The following FRMD5 variants were observed in gnomAD, a reference collection of about 807,000 sequenced individuals.
FRMD5 encodes FERM domain-containing protein 5.
A neutral mutation model predicts 69.0 loss-of-function variants in FRMD5; 20 were observed. The observed-to-expected ratio is 0.29, with a 90% CI of 0.20 to 0.42. The LOEUF is 0.42. FRMD5 is among the 10% of genes least tolerant of loss of function. The pLI is 1.00. For synonymous variants in FRMD5, 271 were observed against 260.1 expected (o/e 1.04, Z -0.40); for missense variants, 595 against 708.6 (o/e 0.84, Z 1.82).
chr15:43,922,440 C>G (rs1423893832), intron 2 of FRMD5, among the ~76,000 whole-genome samples: 3 of 152,198 alleles, frequency 2.0e-5, no homozygotes, highest in Admixed American at 2.0e-4. Context: ...AGCGCAGAGC[C>G]TGGCAAGCAG....
At chr15:44,036,734 A>G (rs974614170) in intron 1 of FRMD5, among the ~76,000 whole-genome samples, 1 of 152,212 alleles carries the variant, frequency 6.6e-6, no homozygotes, top group Non-Finnish European at 1.5e-5. Context: ...TCTGTAAGTA[A>G]TGACACTTGT....
intron 1 of FRMD5, among the ~76,000 whole-genome samples, chr15:44,093,156 T>G (rs1049463343): frequency 1.3e-5 from 2 of 152,076 alleles, no homozygotes; most frequent in Admixed American, 1.3e-4. Context: ...GGTCTCGATC[T>G]CTTAACCTCG....
At chr15:44,047,490 G>T (rs1005612193) in intron 1 of FRMD5, among the ~76,000 whole-genome samples, 1 of 151,516 alleles carries the variant, frequency 6.6e-6, no homozygotes, top group African/African-American at 2.4e-5. Context: ...TTGGTGGGGT[G>T]ACCCTTTCCC....
rs1368119548 is a variant in FRMD5 at position 43,952,010 on chromosome 15, G to GTGTGTGTC, written c.103-27702_103-27701insGACACACA. Among the ~76,000 whole-genome samples the GTGTGTGTC allele has an allele frequency of 4.2e-4, 62 of 149,040 alleles. No homozygotes were observed. In the East Asian group the frequency reaches 7.7e-3, roughly 19 times the overall value. On this transcript the variant is annotated intron_variant, in intron 1 of 13. Transcript: ENST00000417257. ...TGTGTGTGTGTGTGTCTGTGTGTGT[G>GTGTGTGTC]TGTGTGTGTGTGTGTGTGTGTGTGT...
intron 1 of FRMD5, among the ~76,000 whole-genome samples, chr15:43,928,982 G>A (rs924644589): frequency 2.6e-5 from 4 of 152,226 alleles, no homozygotes; most frequent in East Asian, 1.9e-4. Context: ...TTAAGCACTC[G>A]TTTAAAAAAT....
intron 1 of FRMD5, among the ~76,000 whole-genome samples, chr15:44,053,604 A>G (rs527814021): frequency 1.3e-5 from 2 of 152,302 alleles, no homozygotes; most frequent in Non-Finnish European, 2.9e-5. Flanking sequence ...TGAAACAAGA[A>G]TAAGGATGGC....
rs376593528 is a variant in FRMD5 at position 43,883,758 on chromosome 15, C to G, written c.1080G>C (p.Arg360Ser). The G allele has an allele frequency of 1.1e-4, 173 of 1,613,926 alleles. No homozygotes were observed. The highest frequency in any genetic ancestry group is 1.4e-4 in the Non-Finnish European group (169 of 1,179,948). Residue 360 changes from arginine to serine, a missense_variant, in exon 13 of 14, where the codon AGG becomes AGC. Coordinates refer to ENST00000417257, the MANE Select transcript of FRMD5 (RefSeq NM_032892.5). ...RSCPSITHGP[R>S]LSSVPRTRRR... Reference sequence around the variant, plus strand: ...TGCGGGTCCTGGGGACGCTGCTCAGCCTTGGGCCATGGGTTATGGAGGGAC... The same window carrying G: ...TGCGGGTCCTGGGGACGCTGCTCAGGCTTGGGCCATGGGTTATGGAGGGAC...
At chr15:44,065,740 T>G (rs1438250835) in intron 1 of FRMD5, among the ~76,000 whole-genome samples, 1 of 152,248 alleles carries the variant, frequency 6.6e-6, no homozygotes, top group Non-Finnish European at 1.5e-5. Context: ...TAAACTGACC[T>G]ACATTTTGTA....
At chr15:44,142,511 C>A (rs535337457) in intron 1 of FRMD5, among the ~76,000 whole-genome samples, 9 of 152,212 alleles carry the variant, frequency 5.9e-5, no homozygotes, top group African/African-American at 2.2e-4. Flanking sequence ...ATTATAGAGA[C>A]TCCACACATT....
intron 1 of FRMD5, among the ~76,000 whole-genome samples, chr15:44,085,943 T>G (rs1002120290): frequency 4.6e-5 from 7 of 151,990 alleles, no homozygotes; most frequent in Non-Finnish European, 1.0e-4. Context: ...TAGCAACTGG[T>G]TAGGTAAAAT....
chr15:43,901,541 G>A (rs1440712159), intron 7 of FRMD5, among the ~76,000 whole-genome samples: 1 of 152,174 alleles, frequency 6.6e-6, no homozygotes, highest in Non-Finnish European at 1.5e-5. Flanking sequence ...CAAAGCAACA[G>A]GGACAGGAGG....
At chr15:43,992,613 G>C (rs1405239340) in intron 1 of FRMD5, among the ~76,000 whole-genome samples, 1 of 152,132 alleles carries the variant, frequency 6.6e-6, no homozygotes, top group East Asian at 1.9e-4. Flanking sequence ...CCTGATCTCA[G>C]GTGACCCACC....
intron 1 of FRMD5, among the ~76,000 whole-genome samples, chr15:44,024,368 T>C (rs1306775110): frequency 1.3e-5 from 2 of 152,194 alleles, no homozygotes; most frequent in Non-Finnish European, 2.9e-5. Context: ...ATGATAACCT[T>C]CACAACACCA....
chr15:44,178,411 A>G lies in FRMD5; in HGVS notation c.102+16542T>C, dbSNP rs548672176. Among the ~76,000 whole-genome samples the G allele has an allele frequency of 4.6e-5, 7 of 152,294 alleles. No individual in the cohort carries two copies. The South Asian group carries it at 1.5e-3, about 32-fold the overall frequency. The stretch of plus-strand genomic sequence containing the variant: ...TATTTGGAAACTTGAGATCAAAACA[A>G]TAGTGGAAACCTTTGAAATATACCA... On this transcript the variant is annotated intron_variant, in intron 1 of 13. Coordinates refer to ENST00000417257, the MANE Select transcript of FRMD5 (RefSeq NM_032892.5).
chr15:43,920,889 G>T (rs2089481976), intron 2 of FRMD5, among the ~76,000 whole-genome samples: 1 of 152,242 alleles, frequency 6.6e-6, no homozygotes, highest in Non-Finnish European at 1.5e-5. Flanking sequence ...GGGCGCTGCA[G>T]TCAGCATCCT....
At chr15:44,137,812 T>C (rs537563030) in intron 1 of FRMD5, among the ~76,000 whole-genome samples, 1 of 152,124 alleles carries the variant, frequency 6.6e-6, no homozygotes, top group African/African-American at 2.4e-5. Flanking sequence ...CTTCTGTAGG[T>C]CAATGAAAAT....
intron 1 of FRMD5, among the ~76,000 whole-genome samples, chr15:44,043,814 T>C (rs1892312247): frequency 6.6e-6 from 1 of 152,110 alleles, no homozygotes; most frequent in Admixed American, 6.5e-5. Flanking sequence ...CCTAAAACCA[T>C]AAAAACCCTA....
At chr15:43,996,645 C>G (rs1402266572) in intron 1 of FRMD5, among the ~76,000 whole-genome samples, 1 of 146,202 alleles carries the variant, frequency 6.8e-6, no homozygotes, top group African/African-American at 2.5e-5. Flanking sequence ...CTCAGTTTCT[C>G]TCCTATAGAT....
chr15:43,919,620 CAGA>C, intron 3 of FRMD5, 83 bp from the exon 4 acceptor site: 1 of 1,470,542 alleles, frequency 6.8e-7, no homozygotes, highest in East Asian at 2.3e-5. Flanking sequence ...CATGAAGCAG[CAGA>C]AGAGAACCCT....
Sources: gnomAD v4.1 joint callset for allele counts (sites outside exome capture counted in the v4.1 genomes callset) on GRCh38, gnomAD v4.1.1 for gene constraint, MANE v1.5 for transcripts, NCBI Gene and HGNC (gene_info 2026-07-23, HGNC 2026-07-21) for gene names.